The following CSMD1 variants were observed in gnomAD, a reference collection of about 807,000 sequenced individuals.
CSMD1 encodes the protein CUB and Sushi multiple domains 1.
In CSMD1, 213 loss-of-function variants were observed where a neutral mutation model predicts 417.5. The ratio of observed to expected loss-of-function variants is 0.51; its 90% CI spans 0.46 to 0.57. The LOEUF (loss-of-function observed/expected upper bound fraction) is 0.57. Among genes scored for constraint, CSMD1 ranks in the 20% least tolerant of loss-of-function variants. The pLI, the probability that CSMD1 is intolerant of heterozygous loss-of-function variation, is 0.00. For synonymous variants in CSMD1, 2,862 were observed against 1,736.8 expected (o/e 1.65, Z -16.11); for missense variants, 6,923 against 4,529.7 (o/e 1.53, Z -15.17).
At chr8:4,931,062 T>C (rs1807215021) in intron 1 of CSMD1, among the ~76,000 whole-genome samples, 1 of 152,224 alleles carries the variant, frequency 6.6e-6, no homozygotes, top group South Asian at 2.1e-4. Flanking sequence ...GACTTATCTG[T>C]AATAATTGGC....
intron 7 of CSMD1, among the ~76,000 whole-genome samples, chr8:3,681,251 C>A (rs527910552): frequency 1.3e-5 from 2 of 152,176 alleles, no homozygotes; most frequent in East Asian, 3.8e-4. Context: ...GTCAAATCGT[C>A]CCTCTTTGCA....
intron 3 of CSMD1, among the ~76,000 whole-genome samples, chr8:4,146,594 A>ATTTTTTTTTT (rs71205423): frequency 3.1e-5 from 2 of 64,260 alleles, no homozygotes; most frequent in Non-Finnish European, 2.6e-5. Context: ...ATATGGACAC[A>ATTTTTTTTTT]TTTTTTTTTT....
intron 41 of CSMD1, among the ~76,000 whole-genome samples, chr8:3,130,338 T>C (rs1345609171): frequency 1.3e-5 from 2 of 152,066 alleles, no homozygotes; most frequent in South Asian, 2.1e-4. Flanking sequence ...ACGTCGTGCA[T>C]ACAGCCAGAC....
At position 3,862,361 on chromosome 8, in the gene CSMD1, T is replaced by G. The variant is rs115815966; in HGVS notation, c.819-108319A>C. Among the ~76,000 whole-genome samples, 1,163 of 152,000 alleles carry G rather than the reference T, an allele frequency of 7.7e-3. 17 individuals are homozygous for G. The highest frequency in any genetic ancestry group is 0.027 in the African/African-American group (1,123 of 41,344). The stretch of plus-strand genomic sequence containing the variant: ...GGTGACCTCACTTTGCTTCCTCAGA[T>G]TTATCCTCTGATGTGGCCCTTTCAT... On this transcript the variant is annotated intron_variant, in intron 5 of 69. Coordinates refer to ENST00000635120, the MANE Select transcript of CSMD1 (RefSeq NM_033225.6).
chr8:4,409,206 ATGAAT>A (rs1247153986), intron 3 of CSMD1, among the ~76,000 whole-genome samples: 1 of 152,234 alleles, frequency 6.6e-6, no homozygotes, highest in Non-Finnish European at 1.5e-5. Flanking sequence ...CAAAATGGAA[ATGAAT>A]TTGATTGATG....
intron 47 of CSMD1, among the ~76,000 whole-genome samples, chr8:3,095,115 G>C (rs1815206268): frequency 6.6e-6 from 1 of 152,122 alleles, no homozygotes; most frequent in South Asian, 2.1e-4. Context: ...CTGAAAGTAA[G>C]AGACTTAAAA....
At chr8:4,273,646 T>C (rs1045174141) in intron 3 of CSMD1, among the ~76,000 whole-genome samples, 2 of 152,196 alleles carry the variant, frequency 1.3e-5, no homozygotes, top group Non-Finnish European at 2.9e-5. Context: ...GAAACTCTAA[T>C]AGAGAGCAGT....
chr8:4,070,518 C>G lies in CSMD1; in HGVS notation c.416-38419G>C, dbSNP rs939456062. Among the ~76,000 whole-genome samples the G allele has an allele frequency of 2.0e-5, 3 of 152,000 alleles. No individual in the cohort carries two copies. In the South Asian group the frequency reaches 6.2e-4, roughly 32 times the overall value. ...GACTACAGGCGCCCGCCACCACGGC[C>G]GGCTATTTTTTTGTATTTTTAGTAG... On this transcript the variant is annotated intron_variant, in intron 3 of 69. Coordinates refer to ENST00000635120, the MANE Select transcript of CSMD1 (RefSeq NM_033225.6).
At chr8:3,590,404 C>G (rs115241001) in intron 8 of CSMD1, among the ~76,000 whole-genome samples, 6 of 152,152 alleles carry the variant, frequency 3.9e-5, no homozygotes, top group Admixed American at 1.3e-4. Context: ...CTCTCCAGGA[C>G]CTGAACTCGG....
At chr8:4,770,412 C>A (rs901851937) in intron 1 of CSMD1, among the ~76,000 whole-genome samples, 1 of 148,630 alleles carries the variant, frequency 6.7e-6, no homozygotes, top group Non-Finnish European at 1.5e-5. Flanking sequence ...TATATATTTC[C>A]TAATTCTTAT....
At chr8:3,382,507 T>TTATATATATATAAATTTATATAAATATA (rs534077692) in intron 18 of CSMD1, among the ~76,000 whole-genome samples, 11 of 131,610 alleles carry the variant, frequency 8.4e-5, no homozygotes, top group Non-Finnish European at 1.1e-4. Context: ...GTATATAAAT[T>TTATATATATATAAATTTATATAAATATA]TATATATATA....
rs1457135856 is a variant in CSMD1, at chr8:2,938,661, T to A, written c.10619A>T (p.Asp3540Val). The change falls in exon 70 of 70, where the codon GAT becomes GTT. Residue 3540 changes from aspartate to valine, a missense_variant. By Grantham distance (152) the Asp-to-Val change is radical. Coordinates refer to ENST00000635120, the MANE Select transcript of CSMD1 (RefSeq NM_033225.6). ...GQASFENPMY[D>V]TNLKPTEAKA... ...GGCTTCTGTGGGTTTTAAGTTTGTA[T>A]CATACATGGGGTTTTCAAACGATGC... The A allele has an allele frequency of 6.2e-7, 1 of 1,611,826 alleles. No individual in the cohort carries two copies.
intron 3 of CSMD1, among the ~76,000 whole-genome samples, chr8:4,162,907 C>T (rs1376647463): frequency 2.6e-5 from 4 of 152,154 alleles, no homozygotes; most frequent in Admixed American, 6.5e-5. Flanking sequence ...CCCCTTCCTC[C>T]AACCCTTTGC....
chr8:3,315,460 G>GTGTGTGTGTGTGTGTGTGTT lies in CSMD1; in HGVS notation c.3632-6958_3632-6957insAACACACACACACACACACA, dbSNP rs370216684. Among the ~76,000 whole-genome samples, 1,476 of 151,574 alleles carry GTGTGTGTGTGTGTGTGTGTT rather than the reference G, an allele frequency of 9.7e-3. 9 individuals carry two copies. Among genetic ancestry groups the GTGTGTGTGTGTGTGTGTGTT allele is most frequent in the Non-Finnish European group, 0.014 (983 of 67,830 alleles). ...TGAGTGTGTGTGTGTGTGTGTGTGTGTGATTTTTAAACTATCTTTTAAATT... is the reference window on the plus strand; with the variant it reads ...TGAGTGTGTGTGTGTGTGTGTGTGTGTGTGTGTGTGTGTGTGTGTTTGATTTTTAAACTATCTTTTAAATT... On this transcript the variant is annotated intron_variant, in intron 23 of 69. Transcript: ENST00000635120.
intron 49 of CSMD1, among the ~76,000 whole-genome samples, chr8:3,060,576 G>C (rs932931470): frequency 2.0e-5 from 3 of 152,170 alleles, no homozygotes; most frequent in African/African-American, 7.2e-5. Context: ...ATTGTTGTAA[G>C]TTGGTTTACA....
intron 7 of CSMD1, among the ~76,000 whole-genome samples, chr8:3,620,024 C>A (rs1313562595): frequency 6.6e-6 from 1 of 152,120 alleles, no homozygotes; most frequent in Admixed American, 6.6e-5. Context: ...ATAGCTTGAA[C>A]CTGGGAGGCA....
chr8:3,786,449 G>A (rs1435081919), intron 5 of CSMD1, among the ~76,000 whole-genome samples: 1 of 152,114 alleles, frequency 6.6e-6, no homozygotes. Flanking sequence ...CATCTGTAAA[G>A]CCATAAATAA....
intron 25 of CSMD1, chr8:3,284,692 C>T (rs551407299): frequency 1.0e-4 from 26 of 258,338 alleles, no homozygotes; most frequent in African/African-American, 5.1e-4. Context: ...ATAAGCTTGG[C>T]ATTGACAGAT....
At chr8:4,078,191 T>A (rs1186159019) in intron 3 of CSMD1, among the ~76,000 whole-genome samples, 1 of 152,246 alleles carries the variant, frequency 6.6e-6, no homozygotes, top group African/African-American at 2.4e-5. Context: ...TTCAACTCTT[T>A]GCTGCATTTC....
Sources: allele counts gnomAD v4.1 joint callset (sites outside exome capture counted in the v4.1 genomes callset), GRCh38; gene constraint gnomAD v4.1.1; transcripts MANE v1.5; gene names NCBI Gene and HGNC (gene_info 2026-07-23, HGNC 2026-07-21).